The following RTTN variants were observed in gnomAD, a reference collection of about 807,000 sequenced individuals.
RTTN encodes the protein rotatin.
A neutral mutation model predicts 269.2 loss-of-function variants in RTTN; 182 were observed. That is an observed-to-expected ratio of 0.68 (90% CI 0.60 to 0.76). The LOEUF (loss-of-function observed/expected upper bound fraction) is 0.76, where lower values mean the gene tolerates loss of function less well. RTTN is among the 30% of genes least tolerant of loss of function. RTTN has a pLI of 0.00. For synonymous variants in RTTN, 1,006 were observed against 963.5 expected (o/e 1.04, Z -0.82); for missense variants, 2,545 against 2,608.6 (o/e 0.98, Z 0.53).
At chr18:70,107,859 G>A (rs559135847) in intron 28 of RTTN, among the ~76,000 whole-genome samples, 1 of 152,304 alleles carries the variant, frequency 6.6e-6, no homozygotes, top group South Asian at 2.1e-4. Context: ...ATGATTTGAT[G>A]AATACCTTCA....
chr18:70,074,260 A>T (rs1356167495), intron 33 of RTTN, among the ~76,000 whole-genome samples: 10 of 152,038 alleles, frequency 6.6e-5, no homozygotes, highest in Non-Finnish European at 1.5e-5. Context: ...GTCAGAGTGG[A>T]AGCCCTGAGT....
In RTTN at chr18:70,150,677, A is replaced by C; in HGVS notation, c.1986T>G (p.Ile662Met). 6.2e-7 allele frequency: 1 copy of C among 1,611,216 alleles called. No homozygotes were observed. The highest frequency in any genetic ancestry group is 1.7e-4 in the Middle Eastern group (1 of 6,052). ...TKPVSSLCNG[I>M]HFLLHPKVLY... The stretch of plus-strand genomic sequence containing the variant: ...GAACTTTTGGATGAAGTAGAAAATG[A>C]ATTCCATTGCAAAGTGAAGACACGG... Residue 662 changes from isoleucine to methionine, a missense_variant, in exon 15 of 49, where the codon ATT becomes ATG. Ile to Met is a conservative substitution (Grantham distance 10). Coordinates refer to ENST00000640769, the MANE Select transcript of RTTN (RefSeq NM_173630.4).
At position 70,153,127 on chromosome 18, in the gene RTTN, T is replaced by A. The variant is rs1372151968; in HGVS notation, c.1930-2394A>T. ...TCCCTCCCTAGCCAGCCTACATAAATTTAGTCCACGTTACTAGTCATTCTC... is the reference window on the plus strand; with the variant it reads ...TCCCTCCCTAGCCAGCCTACATAAAATTAGTCCACGTTACTAGTCATTCTC... On this transcript the variant is annotated intron_variant, in intron 14 of 48. Coordinates refer to ENST00000640769, the MANE Select transcript of RTTN (RefSeq NM_173630.4). 2.6e-5 allele frequency among the ~76,000 whole-genome samples: 4 copies of A among 152,126 alleles called. No individual in the cohort carries two copies. In the South Asian group the frequency reaches 8.3e-4, roughly 31 times the overall value.
chr18:70,205,506 A>T, intron 1 of RTTN, 122 bp downstream of exon 1: 3 of 1,423,688 alleles, frequency 2.1e-6, no homozygotes, highest in Non-Finnish European at 2.0e-6. Context: ...CTATCCTGAC[A>T]AAGCGGGGGT....
chr18:70,192,947 G>A (rs905086901), intron 8 of RTTN: 5 of 179,182 alleles, frequency 2.8e-5, no homozygotes, highest in African/African-American at 9.4e-5. Context: ...TAATGAAATC[G>A]GAACTGAAAA....
intron 14 of RTTN, among the ~76,000 whole-genome samples, chr18:70,151,061 T>C (rs1235777958): frequency 6.6e-6 from 1 of 150,998 alleles, no homozygotes. Flanking sequence ...GTGTTTGCAT[T>C]TTACTTACAA....
rs528112857 is a variant in RTTN, at chr18:70,194,492, G to A, written c.842-1039C>T. The A allele has an allele frequency of 5.8e-4, 88 of 152,342 alleles. 1 individual carries two copies. The highest frequency in any genetic ancestry group is 2.1e-3 in the African/African-American group (86 of 41,588). The allele number at this position is 152,342 out of a possible 1,614,324, so 9.4% of individuals were successfully genotyped here. On this transcript the variant is annotated intron_variant, in intron 7 of 48. Coordinates refer to ENST00000640769, the MANE Select transcript of RTTN (RefSeq NM_173630.4). ...AAGAATTGAAACCAGGCACTGCACA[G>A]ATACTTGCATGCCAATGTTCACTGA...
intron 32 of RTTN, among the ~76,000 whole-genome samples, chr18:70,084,553 T>C (rs1324815526): frequency 2.0e-5 from 3 of 151,714 alleles, no homozygotes; most frequent in African/African-American, 4.8e-5. Flanking sequence ...TTTCTTAAAA[T>C]TGGATGACAG....
chr18:70,091,191 T>C lies in RTTN; in HGVS notation c.4143+919A>G, dbSNP rs557684516. On this transcript the variant is annotated intron_variant, in intron 30 of 48. Coordinates refer to ENST00000640769, the MANE Select transcript of RTTN (RefSeq NM_173630.4). The stretch of plus-strand genomic sequence containing the variant: ...TTGATTTGGGAATAAGTTAAGACTT[T>C]TGAGGTTGTTGAGGGAGAATAAAAG... 3.3e-5 allele frequency among the ~76,000 whole-genome samples: 5 copies of C among 152,248 alleles called. No homozygotes were observed. The East Asian group carries it at 9.7e-4, about 29-fold the overall frequency.
chr18:70,149,425 C>T lies in RTTN; in HGVS notation c.2173-388G>A, dbSNP rs561176370. Among the ~76,000 whole-genome samples, 6 of 152,054 alleles carry T rather than the reference C, an allele frequency of 3.9e-5. No homozygotes were observed. In the East Asian group the frequency reaches 1.2e-3, roughly 29 times the overall value. On this transcript the variant is annotated intron_variant, in intron 16 of 48. Coordinates refer to ENST00000640769, the MANE Select transcript of RTTN (RefSeq NM_173630.4). Reference sequence around the variant, plus strand: ...AATCTGTGAGTCTCAAGGCACAAGGCCCAGGCTCTCTCTTCTAAAAGAGGA... The same window carrying T: ...AATCTGTGAGTCTCAAGGCACAAGGTCCAGGCTCTCTCTTCTAAAAGAGGA...
chr18:70,061,091 T>G (rs1458351360), intron 35 of RTTN, among the ~76,000 whole-genome samples: 1 of 152,180 alleles, frequency 6.6e-6, no homozygotes, highest in Non-Finnish European at 1.5e-5. Context: ...TATACTTTTT[T>G]TTTCTTTTAG....
At chr18:70,136,698 T>C (rs890976701) in intron 21 of RTTN, among the ~76,000 whole-genome samples, 2 of 152,116 alleles carry the variant, frequency 1.3e-5, no homozygotes, top group African/African-American at 4.8e-5. Flanking sequence ...AAAGTTGTAA[T>C]GAAAATAAGC....
intron 28 of RTTN, among the ~76,000 whole-genome samples, chr18:70,102,107 G>A (rs1371419052): frequency 6.6e-6 from 1 of 152,198 alleles, no homozygotes; most frequent in African/African-American, 2.4e-5. Flanking sequence ...TTGGTGCAGA[G>A]CTGAGTTCAA....
At chr18:70,087,052 T>TACACACAC (rs147330537) in intron 31 of RTTN, among the ~76,000 whole-genome samples, 1 of 150,208 alleles carries the variant, frequency 6.7e-6, no homozygotes, top group Non-Finnish European at 1.5e-5. Flanking sequence ...CCTTTCAGAT[T>TACACACAC]ACACACACAC....
intron 35 of RTTN, among the ~76,000 whole-genome samples, chr18:70,064,895 A>G (rs993843907): frequency 2.6e-5 from 4 of 152,230 alleles, no homozygotes; most frequent in Admixed American, 1.3e-4. Flanking sequence ...TTTTAGAGAT[A>G]AATGTTCATG....
intron 30 of RTTN, among the ~76,000 whole-genome samples, chr18:70,090,820 G>A (rs2058825193): frequency 6.6e-6 from 1 of 152,080 alleles, no homozygotes; most frequent in African/African-American, 2.4e-5. Flanking sequence ...AAAGGGGTGG[G>A]GTCATCCCAC....
intron 34 of RTTN, among the ~76,000 whole-genome samples, chr18:70,067,413 C>G (rs1156509814): frequency 6.6e-6 from 1 of 152,230 alleles, no homozygotes; most frequent in Non-Finnish European, 1.5e-5. Context: ...CCCGCCTCTG[C>G]CTCCCAAAGT....
chr18:70,150,020 G>A lies in RTTN; in HGVS notation c.2123C>T (p.Thr708Ile). 6.2e-7 allele frequency: 1 copy of A among 1,613,332 alleles called. No homozygotes were observed. The highest frequency in any genetic ancestry group is 8.5e-7 in the Non-Finnish European group (1 of 1,179,422). ...LQGRLMMTAL[T>I]WNKFIESLCP... ...GAGAGATTCAATAAACTTGTTCCAGGTCAATGCTGTCATCATCAATCGTCC... is the reference window on the plus strand; with the variant it reads ...GAGAGATTCAATAAACTTGTTCCAGATCAATGCTGTCATCATCAATCGTCC... Residue 708 changes from threonine (T) to isoleucine (I), a missense_variant, in exon 16 of 49, where the codon ACC (threonine) becomes ATC (isoleucine). Coordinates refer to ENST00000640769, the MANE Select transcript of RTTN (RefSeq NM_173630.4).
chr18:70,127,997 A>G, intron 24 of RTTN: 1 of 463,626 alleles, frequency 2.2e-6, no homozygotes, highest in South Asian at 2.7e-5. Flanking sequence ...TTAGAATATT[A>G]AGATATTCAA....
Sources: allele counts gnomAD v4.1 joint callset (sites outside exome capture counted in the v4.1 genomes callset), GRCh38; gene constraint gnomAD v4.1.1; transcripts MANE v1.5; gene names NCBI Gene and HGNC (gene_info 2026-07-23, HGNC 2026-07-21).